The following FGR variants were observed in gnomAD, a reference collection of about 807,000 sequenced individuals.
The protein encoded by FGR is FGR proto-oncogene, Src family tyrosine kinase.
A neutral mutation model predicts 63.2 loss-of-function variants in FGR; 26 were observed. The observed-to-expected ratio is 0.41, with a 90% CI of 0.30 to 0.57. The LOEUF is 0.57. FGR is among the 20% of genes least tolerant of loss of function. FGR has a pLI of 0.27. For missense variants in FGR, 511 were observed against 690.8 expected (o/e 0.74, Z 2.92); for synonymous variants, 286 against 277.7 (o/e 1.03, Z -0.30).
chr1:27,621,716 GC>G, intron 4 of FGR, 59 bp from the exon 5 acceptor site: 1 of 1,189,754 alleles, frequency 8.4e-7, no homozygotes, highest in Non-Finnish European at 1.3e-6. Flanking sequence ...GCACCCTGAG[GC>G]CAGGTGGAGC....
rs2148525611 is a variant in FGR, at chr1:27,617,924, G to A, written c.429-628C>T. Reference sequence around the variant, plus strand: ...GCCTCAATCACTCCTCTCCCTTGGGGATTCTTTCTGGGATTGAACCGTAGC... The same window carrying A: ...GCCTCAATCACTCCTCTCCCTTGGGAATTCTTTCTGGGATTGAACCGTAGC... On this transcript the variant is annotated intron_variant, in intron 5 of 12. Transcript: ENST00000374005. This position sits in a 1 kb window ranked among gnomAD's most constrained non-coding sequence, Gnocchi z 4.5. 6.6e-6 allele frequency among the ~76,000 whole-genome samples: 1 copy of A among 152,306 alleles called. No homozygotes were observed. The highest frequency in any genetic ancestry group is 2.1e-4 in the South Asian group (1 of 4,828).
intron 1 of FGR, among the ~76,000 whole-genome samples, chr1:27,630,668 C>T (rs1229159275): frequency 6.6e-6 from 1 of 152,166 alleles, no homozygotes; most frequent in African/African-American, 2.4e-5. Flanking sequence ...TTTCTCAGCA[C>T]TGAACTTCGC....
intron 1 of FGR, chr1:27,626,412 T>C (rs1222926729): frequency 2.6e-6 from 1 of 388,736 alleles, no homozygotes; most frequent in African/African-American, 2.1e-5. Flanking sequence ...ACAGATATTC[T>C]CTTCCTCTTC....
chr1:27,618,682 G>C (rs17162673), intron 5 of FGR, among the ~76,000 whole-genome samples: 1 of 151,930 alleles, frequency 6.6e-6, no homozygotes, highest in Non-Finnish European at 1.5e-5. Flanking sequence ...TCGCCTACCC[G>C]CTCCTGCTCA....
At chr1:27,627,298 T>G (rs1027941065) in intron 1 of FGR, among the ~76,000 whole-genome samples, 27 of 152,018 alleles carry the variant, frequency 1.8e-4, no homozygotes, top group African/African-American at 5.8e-4. Context: ...AGACCCCTTC[T>G]CAGTTGGCAC....
intron 5 of FGR, among the ~76,000 whole-genome samples, chr1:27,620,769 T>TA (rs1238275255): frequency 7.1e-6 from 1 of 141,128 alleles, no homozygotes; most frequent in African/African-American, 2.6e-5. Flanking sequence ...CTCATGGCTG[T>TA]AATCCCTGAA....
intron 1 of FGR, among the ~76,000 whole-genome samples, chr1:27,628,149 G>C (rs1382119175): frequency 2.0e-5 from 3 of 148,848 alleles, no homozygotes; most frequent in Admixed American, 1.3e-4. Context: ...ACTCCAGCCT[G>C]AGTGACAGTG....
chr1:27,623,804 G>C lies in FGR; in HGVS notation c.113C>G (p.Pro38Arg), dbSNP rs749016269. 7.4e-6 allele frequency: 12 copies of C among 1,614,194 alleles called. No homozygotes were observed. The highest frequency in any genetic ancestry group is 9.3e-6 in the Non-Finnish European group (11 of 1,180,020). The change falls in exon 3 of 13, where the codon CCC becomes CGC. Residue 38 changes from proline to arginine, a missense_variant. By Grantham distance (103) the Pro-to-Arg change is moderately radical. Transcript: ENST00000374005. ...TGAGGATGCAGGCCGGGCCTTAGTG[G>C]GGTCAGGCCCATAGTGGTCTGCTGC... The part of the protein sequence containing the change: ...YGAADHYGPD[P>R]TKARPASSFA...
intron 1 of FGR, among the ~76,000 whole-genome samples, chr1:27,627,241 A>G (rs2090035606): frequency 6.6e-6 from 1 of 151,750 alleles, no homozygotes; most frequent in African/African-American, 2.4e-5. Flanking sequence ...ACACATACAC[A>G]CCTCAAATGG....
chr1:27,623,008 G>T, intron 4 of FGR, 34 bp downstream of exon 4: 1 of 1,479,376 alleles, frequency 6.8e-7, no homozygotes, highest in Non-Finnish European at 9.5e-7. Context: ...TCCCAGCCCA[G>T]GCAATGTTCT....
Position 27,615,669 on chromosome 1 carries a change from G to A in FGR, c.838+20C>T, listed in dbSNP as rs1311212614. ...TCCCCCGAGCCCAGGCCCTCGTCCC[G>A]GCCCCCGGGAGCTCCGTACCCAGCC... On this transcript the variant is annotated intron_variant, in intron 8 of 12. Coordinates refer to ENST00000374005, the MANE Select transcript of FGR (RefSeq NM_005248.3). The surrounding 1 kb of genome is among the most constrained non-coding windows in gnomAD (Gnocchi z 7.6). 1.3e-6 allele frequency: 2 copies of A among 1,592,350 alleles called. No individual in the cohort carries two copies. The highest frequency in any genetic ancestry group is 2.3e-5 in the East Asian group (1 of 44,154).
chr1:27,620,935 C>T (rs373289375), intron 5 of FGR, among the ~76,000 whole-genome samples: 46 of 124,992 alleles, frequency 3.7e-4, no homozygotes, highest in African/African-American at 1.3e-3. Flanking sequence ...TGCGGTGAGC[C>T]GAGATTGTGC....
At chr1:27,618,274 C>A (rs571894518) in intron 5 of FGR, among the ~76,000 whole-genome samples, 3 of 152,304 alleles carry the variant, frequency 2.0e-5, no homozygotes, top group African/African-American at 7.2e-5. Flanking sequence ...CCCGCTCCCA[C>A]ACGCATGACA....
chr1:27,625,997 C>T, intron 1 of FGR: 1 of 399,548 alleles, frequency 2.5e-6, no homozygotes, highest in Non-Finnish European at 4.4e-6. Context: ...GCTGTGCTCC[C>T]AGCCACCCTA....
In FGR at chr1:27,632,009, G is replaced by A. The variant is rs1416037222; in HGVS notation, c.-77+3056C>T. 2.0e-5 allele frequency among the ~76,000 whole-genome samples: 3 copies of A among 151,832 alleles called. No homozygotes were observed. The East Asian group carries it at 5.8e-4, about 29-fold the overall frequency. Reference sequence around the variant, plus strand: ...TAGGCCCTATCCCTCAGACCGGGCGGGCTTCCATCCCTCACCCTCAGTCCT... The same window carrying A: ...TAGGCCCTATCCCTCAGACCGGGCGAGCTTCCATCCCTCACCCTCAGTCCT... On this transcript the variant is annotated intron_variant, in intron 1 of 12. Transcript: ENST00000374005.
chr1:27,618,984 C>T (rs975719597), intron 5 of FGR, among the ~76,000 whole-genome samples: 4 of 152,134 alleles, frequency 2.6e-5, no homozygotes, highest in African/African-American at 9.7e-5. Flanking sequence ...CCAAATCCAG[C>T]GGTAGCCTCT....
chr1:27,625,203 G>A (rs1392320213), intron 1 of FGR, 52 bp from the exon 2 acceptor site: 2 of 152,734 alleles, frequency 1.3e-5, no homozygotes, highest in African/African-American at 2.4e-5. Flanking sequence ...CAATGTTTCT[G>A]TCAGCAGCTG....
intron 1 of FGR, among the ~76,000 whole-genome samples, chr1:27,629,954 G>A (rs560956099): frequency 2.6e-4 from 40 of 152,324 alleles, no homozygotes; most frequent in Non-Finnish European, 5.7e-4. Context: ...AATAATGCAA[G>A]CTTGTCCATC....
chr1:27,624,046 T>C, intron 2 of FGR, 117 bp from the exon 3 acceptor site: 1 of 818,320 alleles, frequency 1.2e-6, no homozygotes, highest in Non-Finnish European at 1.9e-6. Flanking sequence ...CTCTTGGGCC[T>C]AGATTGGGGT....
Sources: allele counts gnomAD v4.1 joint callset (sites outside exome capture counted in the v4.1 genomes callset), GRCh38; gene constraint gnomAD v4.1.1; non-coding constraint Gnocchi (gnomAD v3.1); transcripts MANE v1.5; gene names NCBI Gene and HGNC (gene_info 2026-07-23, HGNC 2026-07-21).